The following RNF170 variants were observed in gnomAD, a reference collection of about 807,000 sequenced individuals.
RNF170 encodes ring finger protein 170.
In RNF170, 12 loss-of-function variants were observed where a neutral mutation model predicts 32.7. The ratio of observed to expected loss-of-function variants is 0.37; its 90% CI spans 0.24 to 0.60. The LOEUF is 0.60. Among genes scored for constraint, RNF170 ranks in the 20% least tolerant of loss-of-function variants. RNF170 has a pLI of 0.72. For synonymous variants in RNF170, 91 were observed against 103.6 expected (o/e 0.88, Z 0.74); for missense variants, 212 against 311.2 (o/e 0.68, Z 2.40).
chr8:42,896,748 AGCGGCGGCGGCGGCGGCGGCG>A (rs570533730), upstream of RNF170: 35 of 145,750 alleles, frequency 2.4e-4, 1 homozygote, highest in South Asian at 4.5e-3. Flanking sequence ...GCCCGGCGGC[AGCGGCGGCGGCGGCGGCGGCG>A]GCGGCGGCGC....
chr8:42,865,333 T>A (rs1406633020), intron 5 of RNF170, 83 bp downstream of exon 5: 2 of 1,013,788 alleles, frequency 2.0e-6, no homozygotes, highest in African/African-American at 3.2e-5. Context: ...AAGACAATAA[T>A]AATTCCAAAT....
At chr8:42,873,408 T>C (rs1804669820) in intron 3 of RNF170, among the ~76,000 whole-genome samples, 1 of 152,188 alleles carries the variant, frequency 6.6e-6, no homozygotes, top group African/African-American at 2.4e-5. Context: ...ATCCTATTTA[T>C]TCCAGGCTTC....
intron 1 of RNF170, among the ~76,000 whole-genome samples, chr8:42,890,288 C>CT (rs1806190558): frequency 1.2e-5 from 1 of 86,042 alleles, no homozygotes; most frequent in African/African-American, 4.4e-5. Flanking sequence ...TTTTTTTTTT[C>CT]TTTTTTTGAG....
chr8:42,870,752 C>T (rs1320820882), intron 3 of RNF170, among the ~76,000 whole-genome samples: 1 of 152,088 alleles, frequency 6.6e-6, no homozygotes, highest in East Asian at 1.9e-4. Flanking sequence ...TATCAAATGT[C>T]AAACTGTTTT....
intron 5 of RNF170, among the ~76,000 whole-genome samples, chr8:42,864,955 T>TAA (rs746102377): frequency 2.8e-5 from 4 of 144,014 alleles, no homozygotes; most frequent in East Asian, 2.0e-4. Context: ...GGGTACAGTT[T>TAA]AAAAAAAAAA....
At chr8:42,885,437 C>T (rs1014729143) in intron 2 of RNF170, among the ~76,000 whole-genome samples, 2 of 152,180 alleles carry the variant, frequency 1.3e-5, no homozygotes, top group African/African-American at 2.4e-5. Flanking sequence ...AGTGTGATTG[C>T]TGGATCATAT....
At chr8:42,879,756 CCT>C (rs1481218857) in intron 2 of RNF170, among the ~76,000 whole-genome samples, 1 of 151,880 alleles carries the variant, frequency 6.6e-6, no homozygotes, top group Non-Finnish European at 1.5e-5. Context: ...CTTGCCGGAA[CCT>C]CTGTCTCCCA....
At chr8:42,866,720 G>C (rs549871036) in intron 4 of RNF170, among the ~76,000 whole-genome samples, 1 of 152,176 alleles carries the variant, frequency 6.6e-6, no homozygotes, top group African/African-American at 2.4e-5. Flanking sequence ...TTTTCTGCTT[G>C]AAGGTATTCA....
chr8:42,862,693 G>A (rs543957707), intron 5 of RNF170, among the ~76,000 whole-genome samples: 2 of 152,334 alleles, frequency 1.3e-5, no homozygotes, highest in African/African-American at 4.8e-5. Flanking sequence ...AAGAAGGCGT[G>A]ACTAAGCACA....
intron 6 of RNF170, among the ~76,000 whole-genome samples, chr8:42,856,916 A>G (rs1803285158): frequency 6.6e-6 from 1 of 152,224 alleles, no homozygotes; most frequent in African/African-American, 2.4e-5. Context: ...TAAGAACGAA[A>G]AGGTTCCCTG....
intron 3 of RNF170, among the ~76,000 whole-genome samples, chr8:42,873,373 A>C (rs556506148): frequency 2.0e-5 from 3 of 152,184 alleles, no homozygotes; most frequent in South Asian, 4.1e-4. Flanking sequence ...TTGATGTTAG[A>C]TATCTTAGCC....
intron 1 of RNF170, among the ~76,000 whole-genome samples, chr8:42,893,578 C>A (rs957453119): frequency 6.6e-6 from 1 of 152,124 alleles, no homozygotes; most frequent in Non-Finnish European, 1.5e-5. Flanking sequence ...AGGGGAAGTG[C>A]TTTGCCTTGT....
In RNF170 at chr8:42,854,951, A is replaced by C. The variant is rs1050562920; in HGVS notation, c.*1208T>G. 8 of 1,287,094 alleles carry C rather than the reference A, an allele frequency of 6.2e-6. No individual in the cohort carries two copies. The African/African-American group carries it at 9.1e-5, about 15-fold the overall frequency. The allele number at this position is 1,287,094 out of a possible 1,614,324, so 79.7% of individuals were successfully genotyped here. On this transcript the variant is annotated 3_prime_UTR_variant, in exon 7 of 7. Transcript: ENST00000527424. The stretch of plus-strand genomic sequence containing the variant: ...AATTTCTGACAACAGAAAACTAACA[A>C]AATTTGTCCAATCTGTTGCTATAGC...
chr8:42,853,139 C>T (rs1438176370), downstream of RNF170, among the ~76,000 whole-genome samples: 1 of 151,938 alleles, frequency 6.6e-6, no homozygotes, highest in East Asian at 1.9e-4. Flanking sequence ...AAAAAACAAA[C>T]ACACAAACAA....
At chr8:42,895,297 T>G (rs930625169) in intron 1 of RNF170, among the ~76,000 whole-genome samples, 1 of 152,014 alleles carries the variant, frequency 6.6e-6, no homozygotes, top group Admixed American at 6.5e-5. Context: ...AACGAGACCC[T>G]TTCTCAAAAA....
At chr8:42,860,505 C>T (rs1273317265) in intron 6 of RNF170, among the ~76,000 whole-genome samples, 2 of 152,030 alleles carry the variant, frequency 1.3e-5, no homozygotes, top group East Asian at 3.9e-4. Context: ...TCACTGCAAC[C>T]TCTGCCTCCC....
chr8:42,853,686 CAA>C lies in RNF170; in HGVS notation c.*2471_*2472del. 1 of 1,287,008 alleles carries C rather than the reference CAA, an allele frequency of 7.8e-7. No individual in the cohort carries two copies. Among genetic ancestry groups the C allele is most frequent in the Non-Finnish European group, 1.0e-6 (1 of 988,616 alleles). 79.7% of individuals were successfully genotyped at this position (1,287,008 alleles called of 1,614,324 possible). On this transcript the variant is annotated 3_prime_UTR_variant, in exon 7 of 7. Coordinates refer to ENST00000527424, the MANE Select transcript of RNF170 (RefSeq NM_030954.4). ...ATCACGGAAGTATTACTATGATGTT[CAA>C]AACTCTGATTGACTCTACTTGCTTT...
intron 2 of RNF170, among the ~76,000 whole-genome samples, chr8:42,880,983 T>C (rs1289609882): frequency 2.6e-5 from 4 of 152,180 alleles, no homozygotes; most frequent in Non-Finnish European, 5.9e-5. Flanking sequence ...ATTACACACA[T>C]AGACTATGAT....
At chr8:42,879,179 G>A (rs937684823) in intron 2 of RNF170, among the ~76,000 whole-genome samples, 2 of 152,106 alleles carry the variant, frequency 1.3e-5, no homozygotes, top group Non-Finnish European at 2.9e-5. Flanking sequence ...TTTTTTTCAT[G>A]TCTCTTAACA....
Sources: gnomAD v4.1 joint callset for allele counts (sites outside exome capture counted in the v4.1 genomes callset) on GRCh38, gnomAD v4.1.1 for gene constraint, MANE v1.5 for transcripts, NCBI Gene and HGNC (gene_info 2026-07-23, HGNC 2026-07-21) for gene names.